Variants in PRKG1 observed in about 807,000 individuals in gnomAD.
The protein encoded by PRKG1 is protein kinase cGMP-dependent 1.
PRKG1 carries 35 observed loss-of-function variants against 88.1 expected under a neutral mutation model. That is an observed-to-expected ratio of 0.40 (90% CI 0.30 to 0.53). The LOEUF (loss-of-function observed/expected upper bound fraction) is 0.53. PRKG1 is among the 20% of genes least tolerant of loss of function. The pLI, the probability that PRKG1 is intolerant of heterozygous loss-of-function variation, is 0.59. For synonymous variants in PRKG1, 303 were observed against 292.5 expected, an observed-to-expected ratio of 1.04 and a Z score of -0.37; for missense variants, 540 against 839.8, an observed-to-expected ratio of 0.64 and a Z score of 4.41.
At chr10:51,125,055 T>C (rs1564609745) in intron 1 of PRKG1, among the ~76,000 whole-genome samples, 1 of 152,216 alleles carries the variant, frequency 6.6e-6, no homozygotes, top group Non-Finnish European at 1.5e-5. Flanking sequence ...TGGTGGCTGA[T>C]GCCTATAATC....
intron 4 of PRKG1, among the ~76,000 whole-genome samples, chr10:51,818,242 A>G (rs1417074631): frequency 6.6e-6 from 1 of 152,180 alleles, no homozygotes; most frequent in Non-Finnish European, 1.5e-5. Context: ...TTATTTTAGA[A>G]TTTATTTAGC....
intron 14 of PRKG1, among the ~76,000 whole-genome samples, chr10:52,283,414 G>T (rs1842044264): frequency 6.6e-6 from 1 of 152,046 alleles, no homozygotes; most frequent in Admixed American, 6.6e-5. Context: ...TGAGCACAGG[G>T]TACTCTGTGA....
At chr10:52,224,560 A>G (rs138454428) in intron 9 of PRKG1, among the ~76,000 whole-genome samples, 73,463 of 119,514 alleles carry the variant, frequency 0.61, 23,110 homozygotes, top group East Asian at 0.76. Context: ...CAAGCAGTAT[A>G]CACTTCACCA....
chr10:51,621,807 C>G (rs1179611737), intron 3 of PRKG1, among the ~76,000 whole-genome samples: 10 of 152,214 alleles, frequency 6.6e-5, no homozygotes. Flanking sequence ...TAATTCTCAC[C>G]TTTGGTGTAT....
At chr10:51,605,457 T>A (rs2132234272) in intron 3 of PRKG1, among the ~76,000 whole-genome samples, 1 of 152,290 alleles carries the variant, frequency 6.6e-6, no homozygotes, top group Non-Finnish European at 1.5e-5. Flanking sequence ...TGCCTTATCC[T>A]GGGAAACAGA....
chr10:51,854,054 C>A (rs1052197383), intron 4 of PRKG1, among the ~76,000 whole-genome samples: 1 of 152,042 alleles, frequency 6.6e-6, no homozygotes, highest in African/African-American at 2.4e-5. Context: ...GATGTTAATA[C>A]TTCCTGGCCC....
intron 7 of PRKG1, among the ~76,000 whole-genome samples, chr10:52,067,150 A>G (rs1846373880): frequency 6.6e-6 from 1 of 152,182 alleles, no homozygotes; most frequent in Non-Finnish European, 1.5e-5. Flanking sequence ...TCTTTTGGGC[A>G]ACTGTGTATA....
At chr10:52,084,632 C>T (rs1035475109) in intron 7 of PRKG1, among the ~76,000 whole-genome samples, 2 of 151,924 alleles carry the variant, frequency 1.3e-5, no homozygotes, top group African/African-American at 2.4e-5. Context: ...CAAGTTCAAT[C>T]GTTCACCCTT....
rs1404712421 is a variant in PRKG1, at chr10:51,970,542, TCA to T, written c.762+62974_762+62975del. On this transcript the variant is annotated intron_variant, in intron 5 of 17. Coordinates refer to ENST00000373980, the MANE Select transcript of PRKG1 (RefSeq NM_006258.4). ...TGTATTATGAACTCTCACGTATGACTCACTCAGCTTCAACAATCATCAACTTT... is the reference window on the plus strand; with the variant it reads ...TGTATTATGAACTCTCACGTATGACTCTCAGCTTCAACAATCATCAACTTT... Among the ~76,000 whole-genome samples the T allele has an allele frequency of 2.6e-5, 4 of 151,334 alleles. No individual in the cohort carries two copies. The East Asian group carries it at 7.8e-4, about 29-fold the overall frequency.
intron 2 of PRKG1, among the ~76,000 whole-genome samples, chr10:51,158,370 G>A (rs1389871721): frequency 6.6e-6 from 1 of 151,832 alleles, no homozygotes. Context: ...AATGTGCGGT[G>A]CTAACTTTTG....
intron 10 of PRKG1, among the ~76,000 whole-genome samples, chr10:52,262,015 C>A (rs1022686686): frequency 6.6e-6 from 1 of 151,954 alleles, no homozygotes; most frequent in African/African-American, 2.4e-5. Flanking sequence ...CTTTTTCTTT[C>A]GCCATGAAAG....
intron 1 of PRKG1, among the ~76,000 whole-genome samples, chr10:51,115,594 T>C (rs968052902): frequency 1.5e-4 from 22 of 150,506 alleles, no homozygotes; most frequent in African/African-American, 5.4e-4. Flanking sequence ...AATCCCAGAA[T>C]TTTGGGAGGC....
At chr10:51,753,670 G>A (rs2132513664) in intron 3 of PRKG1, among the ~76,000 whole-genome samples, 1 of 152,208 alleles carries the variant, frequency 6.6e-6, no homozygotes, top group South Asian at 2.1e-4. Flanking sequence ...TTTGCTGATA[G>A]CTTTAACATT....
intron 3 of PRKG1, among the ~76,000 whole-genome samples, chr10:51,471,060 A>C (rs1269882165): frequency 6.6e-6 from 1 of 151,998 alleles, no homozygotes; most frequent in Non-Finnish European, 1.5e-5. Flanking sequence ...GTCTTATAAA[A>C]TAACTATTGA....
At chr10:52,068,809 C>T (rs1048425326) in intron 7 of PRKG1, among the ~76,000 whole-genome samples, 1 of 152,170 alleles carries the variant, frequency 6.6e-6, no homozygotes, top group Non-Finnish European at 1.5e-5. Flanking sequence ...TTCAGCAAGC[C>T]AGTTAAGCTC....
chr10:52,239,438 C>G (rs1446715500), intron 9 of PRKG1, among the ~76,000 whole-genome samples: 2 of 137,226 alleles, frequency 1.5e-5, no homozygotes, highest in Non-Finnish European at 3.1e-5. Context: ...AGAGAAACTG[C>G]TATAATTTTT....
intron 3 of PRKG1, among the ~76,000 whole-genome samples, chr10:51,677,114 C>G (rs1324259944): frequency 6.6e-6 from 1 of 152,114 alleles, no homozygotes; most frequent in Non-Finnish European, 1.5e-5. Context: ...TGTCCTATTT[C>G]TGGGATGGAA....
rs1022107440 is a variant in PRKG1 at position 51,417,812 on chromosome 10, G to A, written c.479-49911G>A. On this transcript the variant is annotated intron_variant, in intron 2 of 17. Transcript: ENST00000373980. ...ATCATGAAAAAATAGAGCTGCACTG[G>A]GCACTATGCCCCTAAGTATAATAAC... Among the ~76,000 whole-genome samples, 5 of 152,024 alleles carry A rather than the reference G, an allele frequency of 3.3e-5. 1 individual carries two copies. The highest frequency in any genetic ancestry group is 6.6e-5 in the Admixed American group (1 of 15,260).
intron 3 of PRKG1, among the ~76,000 whole-genome samples, chr10:51,704,227 T>TGATAGACAGACA (rs1457624817): frequency 5.2e-4 from 75 of 143,442 alleles, no homozygotes; most frequent in African/African-American, 2.2e-3. Flanking sequence ...AGCTGATAGA[T>TGATAGACAGACA]GATAGATAGA....
Sources: allele counts gnomAD v4.1 joint callset (sites outside exome capture counted in the v4.1 genomes callset), GRCh38; gene constraint gnomAD v4.1.1; transcripts MANE v1.5; gene names NCBI Gene and HGNC (gene_info 2026-07-23, HGNC 2026-07-21).